NSD1: variants seen among roughly 807,000 people sequenced by gnomAD.
The protein encoded by NSD1 is histone-lysine N-methyltransferase, H3 lysine-36 specific.
A neutral mutation model predicts 242.7 loss-of-function variants in NSD1; 26 were observed. The observed-to-expected ratio is 0.11, with a 90% confidence interval of 0.08 to 0.15. The LOEUF (loss-of-function observed/expected upper bound fraction) is 0.15. NSD1 is among the 10% of genes least tolerant of loss of function. The probability of loss-of-function intolerance (pLI) is 1.00; values close to 1 mark genes in which losing one functional copy is unlikely to be tolerated. For synonymous variants in NSD1, 1,106 were observed against 1,178.1 expected (o/e 0.94, Z 1.25); for missense variants, 2,495 against 3,272.8 (o/e 0.76, Z 5.80).
chr5:177,218,693 G>C (rs1763988614), intron 5 of NSD1, among the ~76,000 whole-genome samples: 1 of 151,338 alleles, frequency 6.6e-6, no homozygotes, highest in Admixed American at 6.6e-5. Context: ...TCGGCTTCCT[G>C]AGTAGCTGGG....
rs1401885898 is a variant in NSD1, at chr5:177,248,244, C to T, written c.4561C>T (p.His1521Tyr). Reference sequence around the variant, plus strand: ...GGAGACTGTTGAGGAAGGTGTAGAACACGATCCCGGGATGCCTGCCTCTAA... The same window carrying T: ...GGAGACTGTTGAGGAAGGTGTAGAATACGATCCCGGGATGCCTGCCTCTAA... The part of the protein sequence containing the change: ...PKETVEEGVE[H>Y]DPGMPASKKM... The change falls in exon 11 of 23, where the codon CAC (histidine) becomes TAC (tyrosine). Residue 1521 changes from histidine (H) to tyrosine (Y), a missense_variant. By Grantham distance (83) the His-to-Tyr change is moderately conservative. Transcript: ENST00000439151. 3 of 1,614,144 alleles carry T rather than the reference C, an allele frequency of 1.9e-6. No homozygotes were observed. The highest frequency in any genetic ancestry group is 2.5e-6 in the Non-Finnish European group (3 of 1,180,032).
At chr5:177,198,505 G>A (rs1439081510) in intron 3 of NSD1, among the ~76,000 whole-genome samples, 2 of 152,114 alleles carry the variant, frequency 1.3e-5, no homozygotes, top group African/African-American at 4.8e-5. Flanking sequence ...GTTGCATCAT[G>A]AGGTCACCTC....
Position 177,295,493 on chromosome 5 carries a change from C to T in NSD1, c.*34C>T. On this transcript the variant is annotated 3_prime_UTR_variant, in exon 23 of 23. Transcript: ENST00000439151. The surrounding 1 kb of genome is among the most constrained non-coding windows in gnomAD (Gnocchi z 4.3). The stretch of plus-strand genomic sequence containing the variant: ...AATGTCACATGAACAAACAAGCTGC[C>T]CCCAGGGTACCATTTGGGGAGGGGA... 6.2e-7 allele frequency: 1 copy of T among 1,604,948 alleles called. No homozygotes were observed.
intron 2 of NSD1, among the ~76,000 whole-genome samples, chr5:177,153,212 T>G (rs1053805034): frequency 1.3e-5 from 2 of 151,608 alleles, no homozygotes; most frequent in Non-Finnish European, 2.9e-5. Context: ...TTTTCTGTTT[T>G]TTTTTTTTTT....
chr5:177,156,174 A>ATTTTT (rs34417228), intron 2 of NSD1, among the ~76,000 whole-genome samples: 1,028 of 77,990 alleles, frequency 0.013, 55 homozygotes, highest in South Asian at 0.026. Flanking sequence ...CTCTTTTCAG[A>ATTTTT]TTTTTTTTTT....
In NSD1 at chr5:177,238,595, T is replaced by C; in HGVS notation, c.4192+88T>C. The C allele has an allele frequency of 6.9e-7, 1 of 1,451,722 alleles. No homozygotes were observed. Among genetic ancestry groups the C allele is most frequent in the Non-Finnish European group, 9.6e-7 (1 of 1,046,188 alleles). 89.9% of individuals were successfully genotyped at this position (1,451,722 alleles called of 1,614,324 possible). A position where few individuals can be genotyped will look rare whatever the true frequency, so the allele number is the denominator to read the frequency against. On this transcript the variant is annotated intron_variant, in intron 7 of 22. Coordinates refer to ENST00000439151, the MANE Select transcript of NSD1 (RefSeq NM_022455.5). The surrounding 1 kb of genome is among the most constrained non-coding windows in gnomAD (Gnocchi z 4.6). ...GTATGTTTTGATGTAAAGCCAACATTGTATCTATATACAATAAACTACCCC... is the reference window on the plus strand; with the variant it reads ...GTATGTTTTGATGTAAAGCCAACATCGTATCTATATACAATAAACTACCCC...
chr5:177,247,262 T>G (rs1766374494), intron 10 of NSD1, among the ~76,000 whole-genome samples: 1 of 152,176 alleles, frequency 6.6e-6, no homozygotes, highest in Non-Finnish European at 1.5e-5. Flanking sequence ...AAACCTCATC[T>G]CTACTAACAA....
Position 177,295,466 on chromosome 5 carries a change from T to TGTGA in NSD1, c.*7_*8insGTGA. ...AGAATCAGAACAGAAGTAGTACCAA[T>TGTGA]CAATGTCACATGAACAAACAAGCTG... On this transcript the variant is annotated 3_prime_UTR_variant, in exon 23 of 23. Coordinates refer to ENST00000439151, the MANE Select transcript of NSD1 (RefSeq NM_022455.5). This position sits in a 1 kb window ranked among gnomAD's most constrained non-coding sequence, Gnocchi z 4.3. 6.2e-7 allele frequency: 1 copy of TGTGA among 1,613,582 alleles called. No individual in the cohort carries two copies. Among genetic ancestry groups the TGTGA allele is most frequent in the Non-Finnish European group, 8.5e-7 (1 of 1,179,768 alleles).
chr5:177,296,414 C>T lies in NSD1; in HGVS notation c.*955C>T. Reference sequence around the variant, plus strand: ...ACCCCATCCCTATTTCCCTAAAACACTCAGGTGCTTTCAGATTTCAGAGCC... The same window carrying T: ...ACCCCATCCCTATTTCCCTAAAACATTCAGGTGCTTTCAGATTTCAGAGCC... On this transcript the variant is annotated 3_prime_UTR_variant, in exon 23 of 23. Transcript: ENST00000439151. 1 of 233,378 alleles carries T rather than the reference C, an allele frequency of 4.3e-6. No individual in the cohort carries two copies. Among genetic ancestry groups the T allele is most frequent in the Non-Finnish European group, 8.5e-6 (1 of 118,108 alleles). 14.5% of individuals were successfully genotyped at this position (233,378 alleles called of 1,614,324 possible). A position where few individuals can be genotyped will look rare whatever the true frequency, so the allele number is the denominator to read the frequency against.
rs760986447 is a variant in NSD1 at position 177,211,847 on chromosome 5, G to A, written c.3448G>A (p.Gly1150Ser). 6.2e-7 allele frequency: 1 copy of A among 1,613,566 alleles called. No homozygotes were observed. The change falls in exon 5 of 23, where the codon GGT becomes AGT. Residue 1150 changes from glycine to serine, a missense_variant. Gly to Ser is a moderately conservative substitution (Grantham distance 56). This residue lies in a region of NSD1 where 426 missense variants were observed against 411.4 expected (regional missense o/e 1.04). Transcript: ENST00000439151. ...GAACAGTGAGAATGATGAACTCAAT[G>A]GTGTAAATCAAGTGGTGCCTAAAAA... The part of the protein sequence containing the change: ...VMNSENDELN[G>S]VNQVVPKKRW...
intron 13 of NSD1, among the ~76,000 whole-genome samples, chr5:177,259,315 G>A (rs955107855): frequency 6.6e-6 from 1 of 152,152 alleles, no homozygotes; most frequent in African/African-American, 2.4e-5. Flanking sequence ...TCACTTGTTG[G>A]ATCAAAATTG....
At chr5:177,151,633 C>T (rs528552219) in intron 2 of NSD1, among the ~76,000 whole-genome samples, 1 of 152,008 alleles carries the variant, frequency 6.6e-6, no homozygotes, top group Admixed American at 6.6e-5. Flanking sequence ...TGGTGATCTG[C>T]CCGCCTCGGC....
chr5:177,257,265 G>A, intron 13 of NSD1, 114 bp downstream of exon 13: 1 of 900,714 alleles, frequency 1.1e-6, no homozygotes, highest in Admixed American at 2.6e-5. Flanking sequence ...GAGTCTCGCT[G>A]TGTTGCCGAG....
At chr5:177,231,139 G>A (rs1765023281) in intron 5 of NSD1, among the ~76,000 whole-genome samples, 1 of 152,208 alleles carries the variant, frequency 6.6e-6, no homozygotes, top group Non-Finnish European at 1.5e-5. Flanking sequence ...AGGCTGGAGT[G>A]CAGTTGCACA....
chr5:177,289,891 A>G (rs183892894), intron 21 of NSD1, among the ~76,000 whole-genome samples: 55 of 149,490 alleles, frequency 3.7e-4, no homozygotes, highest in Middle Eastern at 3.4e-3. Flanking sequence ...GCAGTGGCGC[A>G]ATCTCGGCTC....
chr5:177,245,396 CTCT>C (rs1182027741), intron 9 of NSD1, among the ~76,000 whole-genome samples: 2 of 152,106 alleles, frequency 1.3e-5, no homozygotes, highest in African/African-American at 4.8e-5. Context: ...CTCATATTAA[CTCT>C]TCTTTTAGTG....
At chr5:177,274,478 C>T (rs372953594) in intron 17 of NSD1, among the ~76,000 whole-genome samples, 1 of 152,190 alleles carries the variant, frequency 6.6e-6, no homozygotes, top group South Asian at 2.1e-4. Flanking sequence ...TTTGCACCAA[C>T]CTAATATTTA....
Position 177,170,410 on chromosome 5 carries a change from G to A in NSD1, c.928-21474G>A, listed in dbSNP as rs546671782. Among the ~76,000 whole-genome samples the A allele has an allele frequency of 7.6e-4, 115 of 151,678 alleles. No homozygotes were observed. In the Middle Eastern group the frequency reaches 0.027, roughly 36 times the overall value. ...CTGTCGCCCAGGCTGGAGTGCAGTG[G>A]CGTGATCTCGGCTCACTGCAACCTC... On this transcript the variant is annotated intron_variant, in intron 2 of 22. Transcript: ENST00000439151.
At chr5:177,262,064 A>C (rs1382837072) in intron 14 of NSD1, among the ~76,000 whole-genome samples, 1 of 152,180 alleles carries the variant, frequency 6.6e-6, no homozygotes, top group Non-Finnish European at 1.5e-5. Context: ...TCCCTATCAC[A>C]CAGTCATATT....
Sources: allele counts gnomAD v4.1 joint callset (sites outside exome capture counted in the v4.1 genomes callset), GRCh38; gene constraint gnomAD v4.1.1; regional missense constraint gnomAD v4.1.1; non-coding constraint Gnocchi (gnomAD v3.1); transcripts MANE v1.5; gene names NCBI Gene and HGNC (gene_info 2026-07-23, HGNC 2026-07-21).